MTUS2: variants seen among roughly 807,000 people sequenced by gnomAD.
MTUS2 encodes the protein microtubule-associated tumor suppressor candidate 2.
A neutral mutation model predicts 114.1 loss-of-function variants in MTUS2; 40 were observed. The observed-to-expected ratio is 0.35, with a 90% confidence interval of 0.27 to 0.46. MTUS2 has a LOEUF of 0.46. MTUS2 is among the 20% of genes least tolerant of loss of function. MTUS2 has a pLI of 1.00. For missense variants in MTUS2, 1,679 were observed against 1,705.4 expected (o/e 0.98, Z 0.27); for synonymous variants, 688 against 672.0 (o/e 1.02, Z -0.37).
intron 2 of MTUS2, among the ~76,000 whole-genome samples, chr13:28,876,422 T>G (rs184434030): frequency 2.5e-3 from 379 of 152,320 alleles, no homozygotes; most frequent in South Asian, 3.3e-3. Flanking sequence ...TGACATCATC[T>G]GGTGGGTCCA....
chr13:28,840,218 G>C (rs1338045010), intron 2 of MTUS2, among the ~76,000 whole-genome samples: 2 of 152,078 alleles, frequency 1.3e-5, no homozygotes, highest in Non-Finnish European at 2.9e-5. Context: ...GACAGACATA[G>C]GACATGAGCT....
Position 29,283,687 on chromosome 13 carries a change from A to T in MTUS2, c.2806+1822A>T, listed in dbSNP as rs145642922. The stretch of plus-strand genomic sequence containing the variant: ...TGGGGCTCGAGAATTTGCATTTCTA[A>T]CAAATTCCCAAGTGGTGCCTCTAGA... On this transcript the variant is annotated intron_variant, in intron 6 of 15. Coordinates refer to ENST00000612955, the MANE Select transcript of MTUS2 (RefSeq NM_001033602.4). Among the ~76,000 whole-genome samples, 998 of 152,260 alleles carry T rather than the reference A, an allele frequency of 6.6e-3. 10 individuals are homozygous for T. Among genetic ancestry groups the T allele is most frequent in the African/African-American group, 0.023 (940 of 41,544 alleles).
At chr13:29,081,410 T>A (rs1368985320) in intron 4 of MTUS2, among the ~76,000 whole-genome samples, 1 of 152,064 alleles carries the variant, frequency 6.6e-6, no homozygotes. Context: ...AATTTGAGCT[T>A]GTTTAGTAAG....
intron 5 of MTUS2, among the ~76,000 whole-genome samples, chr13:29,176,647 C>G (rs572336377): frequency 6.6e-6 from 1 of 152,210 alleles, no homozygotes; most frequent in Non-Finnish European, 1.5e-5. Flanking sequence ...TCCCCCAGGC[C>G]TCTTTTATAA....
chr13:29,093,978 T>C (rs1890070626), intron 4 of MTUS2, among the ~76,000 whole-genome samples: 1 of 152,222 alleles, frequency 6.6e-6, no homozygotes, highest in African/African-American at 2.4e-5. Flanking sequence ...GAAGATCATA[T>C]GGTTTTTCTT....
At chr13:29,149,252 G>A (rs1404747814) in intron 5 of MTUS2, among the ~76,000 whole-genome samples, 29 of 152,250 alleles carry the variant, frequency 1.9e-4, no homozygotes, top group Admixed American at 1.8e-3. Context: ...TTGTGGTTTT[G>A]ATTTGCATTT....
chr13:29,359,232 G>A (rs761080478), intron 7 of MTUS2, 30 bp from the exon 8 acceptor site: 5 of 1,555,312 alleles, frequency 3.2e-6, no homozygotes, highest in African/African-American at 1.4e-5. Context: ...TTTTTCACAG[G>A]TGACCGGGGT....
At chr13:29,257,054 G>C (rs570749720) in intron 5 of MTUS2, among the ~76,000 whole-genome samples, 1 of 152,262 alleles carries the variant, frequency 6.6e-6, no homozygotes, top group East Asian at 1.9e-4. Flanking sequence ...CCATCTCCCA[G>C]GTGCATTTCC....
rs376426921 is a variant in MTUS2 at position 29,480,344 on chromosome 13, C to G, written c.3379C>G (p.Arg1127Gly). ...GCACGGTGACCAGCTGCTGAGCATC[C>G]GGTGTCAACACCAGGAGCAGGTCAG... ...EEHGDQLLSI[R>G]CQHQEQVEDL... The change falls in exon 10 of 16, where the codon CGG becomes GGG. Residue 1127 changes from arginine (R) to glycine (G), a missense_variant. By Grantham distance (125) the Arg-to-Gly change is moderately radical. Coordinates refer to ENST00000612955, the MANE Select transcript of MTUS2 (RefSeq NM_001033602.4). This position sits in a 1 kb window ranked among gnomAD's most constrained non-coding sequence, Gnocchi z 4.4. The G allele has an allele frequency of 2.5e-4, 378 of 1,541,026 alleles. 5 individuals are homozygous for G. In the South Asian group the frequency reaches 4.4e-3, roughly 18 times the overall value.
chr13:28,956,635 C>A (rs1883080840), intron 2 of MTUS2, among the ~76,000 whole-genome samples: 1 of 152,118 alleles, frequency 6.6e-6, no homozygotes, highest in South Asian at 2.1e-4. Flanking sequence ...GTGTGTATAG[C>A]TGGAAGAAAC....
chr13:29,369,222 T>C (rs747637689), intron 8 of MTUS2, among the ~76,000 whole-genome samples: 8 of 152,172 alleles, frequency 5.3e-5, no homozygotes, highest in Non-Finnish European at 7.3e-5. Context: ...TCCTCTATTA[T>C]CAAACGGTTT....
At chr13:29,110,626 C>G (rs1336988930) in intron 5 of MTUS2, among the ~76,000 whole-genome samples, 1 of 152,202 alleles carries the variant, frequency 6.6e-6, no homozygotes, top group South Asian at 2.1e-4. Flanking sequence ...CTTTCTCTTT[C>G]CTCTTTTCTT....
chr13:29,071,422 T>TTTTTTTTA (rs1469564297), intron 4 of MTUS2, among the ~76,000 whole-genome samples: 1 of 98,014 alleles, frequency 1.0e-5, no homozygotes, highest in African/African-American at 4.4e-5. Context: ...TTTTTTTTTT[T>TTTTTTTTA]TTTTTTTTTT....
intron 4 of MTUS2, among the ~76,000 whole-genome samples, chr13:29,076,110 G>T (rs906630395): frequency 3.3e-5 from 5 of 152,146 alleles, no homozygotes; most frequent in Non-Finnish European, 7.3e-5. Context: ...TCATTAACAA[G>T]AATTCACTTC....
intron 5 of MTUS2, among the ~76,000 whole-genome samples, chr13:29,147,370 T>G (rs1207021574): frequency 6.6e-6 from 1 of 152,198 alleles, no homozygotes; most frequent in South Asian, 2.1e-4. Context: ...CCTGTATTCA[T>G]GGTCATAGAT....
intron 2 of MTUS2, among the ~76,000 whole-genome samples, chr13:28,951,132 G>T (rs1241818529): frequency 6.6e-6 from 1 of 152,082 alleles, no homozygotes; most frequent in African/African-American, 2.4e-5. Flanking sequence ...AAAATCAGCT[G>T]CATTTCTGTA....
chr13:29,196,276 T>C (rs982339074), intron 5 of MTUS2, among the ~76,000 whole-genome samples: 2 of 152,004 alleles, frequency 1.3e-5, no homozygotes, highest in Non-Finnish European at 1.5e-5. Context: ...TTTGCAGTTT[T>C]AGTAGAGACG....
At chr13:28,846,024 A>T (rs937054120) in intron 2 of MTUS2, among the ~76,000 whole-genome samples, 17 of 144,734 alleles carry the variant, frequency 1.2e-4, no homozygotes, top group African/African-American at 4.3e-4. Context: ...TTTTCTTAAA[A>T]ACATATATGC....
At chr13:28,836,511 T>C (rs1041816669) in intron 1 of MTUS2, among the ~76,000 whole-genome samples, 19 of 152,236 alleles carry the variant, frequency 1.2e-4, no homozygotes, top group African/African-American at 4.3e-4. Context: ...GGGTCAGTCG[T>C]ATGAATACTG....
Sources: gnomAD v4.1 joint callset for allele counts (sites outside exome capture counted in the v4.1 genomes callset) on GRCh38, gnomAD v4.1.1 for gene constraint, Gnocchi (gnomAD v3.1) non-coding constraint, MANE v1.5 for transcripts, NCBI Gene and HGNC (gene_info 2026-07-23, HGNC 2026-07-21) for gene names.